EYS: variants seen among roughly 807,000 people sequenced by gnomAD.
The protein encoded by EYS is protein eyes shut homolog.
A neutral mutation model predicts 282.1 loss-of-function variants in EYS; 250 were observed. That is an observed-to-expected ratio of 0.89 (90% CI 0.80 to 0.98). The LOEUF (loss-of-function observed/expected upper bound fraction) is 0.98. EYS is among the 50% of genes least tolerant of loss of function. EYS has a pLI of 0.00. For synonymous variants in EYS, 1,355 were observed against 1,282.9 expected (o/e 1.06, Z -1.20); for missense variants, 4,016 against 3,709.0 (o/e 1.08, Z -2.15).
At chr6:64,788,629 T>C (rs1298714837) in intron 22 of EYS, among the ~76,000 whole-genome samples, 1 of 152,118 alleles carries the variant, frequency 6.6e-6, no homozygotes, top group Non-Finnish European at 1.5e-5. Context: ...CCGTTTCAGC[T>C]CCATCCACAC....
intron 35 of EYS, among the ~76,000 whole-genome samples, chr6:63,982,092 T>G (rs1480538071): frequency 6.6e-6 from 1 of 151,886 alleles, no homozygotes. Flanking sequence ...TTACTTTATT[T>G]AACACATACT....
At chr6:64,344,382 G>C (rs1300557272) in intron 29 of EYS, among the ~76,000 whole-genome samples, 1 of 151,924 alleles carries the variant, frequency 6.6e-6, no homozygotes, top group Non-Finnish European at 1.5e-5. Context: ...CTTCATCCCT[G>C]GGATGCAAGG....
intron 26 of EYS, among the ~76,000 whole-genome samples, chr6:64,502,431 C>G (rs896077001): frequency 6.6e-6 from 1 of 152,058 alleles, no homozygotes; most frequent in Non-Finnish European, 1.5e-5. Context: ...CCGTATTAGC[C>G]AGGATGGTCT....
At chr6:63,940,653 G>A (rs1765206700) in intron 35 of EYS, among the ~76,000 whole-genome samples, 1 of 151,880 alleles carries the variant, frequency 6.6e-6, no homozygotes. Context: ...TGAGGAGAAA[G>A]GATATCTGCC....
intron 12 of EYS, among the ~76,000 whole-genome samples, chr6:65,194,853 G>GT (rs34946669): frequency 0.22 from 31,875 of 142,606 alleles, 3,515 homozygotes; most frequent in South Asian, 0.27. Flanking sequence ...TTTGCCAGTT[G>GT]TTTTTTTTTT....
At chr6:65,559,377 T>C (rs1432845935) in intron 2 of EYS, among the ~76,000 whole-genome samples, 2 of 151,704 alleles carry the variant, frequency 1.3e-5, no homozygotes, top group Non-Finnish European at 2.9e-5. Flanking sequence ...AAGCACTATC[T>C]CAAAAAGAGA....
At chr6:64,584,100 T>C (rs1380679297) in intron 26 of EYS, among the ~76,000 whole-genome samples, 1 of 152,084 alleles carries the variant, frequency 6.6e-6, no homozygotes, top group African/African-American at 2.4e-5. Flanking sequence ...TGATCAAATA[T>C]GCTTTTTGAA....
At chr6:64,714,872 AC>A (rs950755666) in intron 22 of EYS, among the ~76,000 whole-genome samples, 1 of 151,822 alleles carries the variant, frequency 6.6e-6, no homozygotes, top group African/African-American at 2.4e-5. Context: ...TGATGAGACC[AC>A]CCCCTCTACC....
chr6:64,958,530 G>A (rs1480668699), intron 14 of EYS, among the ~76,000 whole-genome samples: 1 of 151,804 alleles, frequency 6.6e-6, no homozygotes. Context: ...GGTGGATCAC[G>A]AGGTCAGGAG....
chr6:64,137,960 G>A (rs1774217463), intron 31 of EYS, among the ~76,000 whole-genome samples: 1 of 152,132 alleles, frequency 6.6e-6, no homozygotes, highest in African/African-American at 2.4e-5. Flanking sequence ...GCACAATAAA[G>A]TGAGGCATGC....
At chr6:65,387,437 C>T (rs1765843563) in intron 7 of EYS, among the ~76,000 whole-genome samples, 1 of 150,954 alleles carries the variant, frequency 6.6e-6, no homozygotes, top group African/African-American at 2.4e-5. Context: ...AAATAGGTTT[C>T]AAAATGTATT....
At chr6:65,457,800 C>T (rs74698566) in intron 5 of EYS, among the ~76,000 whole-genome samples, 3 of 152,152 alleles carry the variant, frequency 2.0e-5, no homozygotes, top group East Asian at 3.9e-4. Flanking sequence ...TGTTCCTAGA[C>T]CTAATTAGAT....
At chr6:64,005,444 C>G (rs1460344286) in intron 33 of EYS, among the ~76,000 whole-genome samples, 14 of 151,976 alleles carry the variant, frequency 9.2e-5, no homozygotes, top group Admixed American at 9.2e-4. Context: ...TGCTAGTTTC[C>G]TTTGCTTTGC....
chr6:65,137,118 A>G (rs912272257), intron 12 of EYS, among the ~76,000 whole-genome samples: 2 of 152,122 alleles, frequency 1.3e-5, no homozygotes, highest in Non-Finnish European at 2.9e-5. Context: ...GAGTCCAGAT[A>G]AGAAAGTAAA....
intron 1 of EYS, among the ~76,000 whole-genome samples, chr6:65,656,759 C>A (rs941943202): frequency 2.0e-5 from 3 of 151,836 alleles, no homozygotes; most frequent in African/African-American, 7.2e-5. Context: ...TTCAGAAGAT[C>A]TAGCTAAGAT....
At chr6:64,086,996 C>T (rs1045963680) in intron 31 of EYS, among the ~76,000 whole-genome samples, 1 of 152,064 alleles carries the variant, frequency 6.6e-6, no homozygotes, top group Non-Finnish European at 1.5e-5. Flanking sequence ...AGTTAAGATG[C>T]AATGTAACTA....
intron 12 of EYS, among the ~76,000 whole-genome samples, chr6:65,108,298 C>T (rs111362674): frequency 0.033 from 4,019 of 122,550 alleles, 61 homozygotes; most frequent in African/African-American, 0.058. Context: ...AAAAAAATTA[C>T]GCACTTTATT....
intron 15 of EYS, among the ~76,000 whole-genome samples, chr6:64,936,974 A>C (rs1461035435): frequency 6.6e-6 from 1 of 151,514 alleles, no homozygotes; most frequent in African/African-American, 2.4e-5. Flanking sequence ...AGATAAATAG[A>C]ATAGAGGGTC....
chr6:64,953,118 G>T (rs1665645193), intron 14 of EYS, among the ~76,000 whole-genome samples: 1 of 151,490 alleles, frequency 6.6e-6, no homozygotes, highest in African/African-American at 2.4e-5. Flanking sequence ...ATAAATGAAG[G>T]ATTAAAATCC....
Sources: gnomAD v4.1 joint callset for allele counts (sites outside exome capture counted in the v4.1 genomes callset) on GRCh38, gnomAD v4.1.1 for gene constraint, MANE v1.5 for transcripts, NCBI Gene and HGNC (gene_info 2026-07-23, HGNC 2026-07-21) for gene names.